Variants in ZNF423 observed in about 807,000 individuals in gnomAD.
ZNF423 encodes zinc finger protein 423.
ZNF423 carries 12 observed loss-of-function variants against 95.8 expected under a neutral mutation model. The observed-to-expected ratio is 0.13, with a 90% CI of 0.08 to 0.20. The LOEUF is 0.20. Ranked by LOEUF, ZNF423 falls within the 10% of genes least tolerant of loss-of-function variation. The pLI, the probability that ZNF423 is intolerant of heterozygous loss-of-function variation, is 1.00. For missense variants in ZNF423, 1,316 were observed against 1,737.1 expected, an observed-to-expected ratio of 0.76 and a Z score of 4.31; for synonymous variants, 749 against 711.9, an observed-to-expected ratio of 1.05 and a Z score of -0.83.
chr16:49,636,833 G>T lies in ZNF423; in HGVS notation c.2343C>A (p.His781Gln). The T allele has an allele frequency of 1.2e-6, 2 of 1,614,100 alleles. No individual in the cohort carries two copies. The highest frequency in any genetic ancestry group is 1.7e-6 in the Non-Finnish European group (2 of 1,180,044). ...ADLQVHVKHSHLGNPAKAHKC... is the reference protein window; with the variant it reads ...ADLQVHVKHSQLGNPAKAHKC... Reference sequence around the variant, plus strand: ...TGTGAGCCTTGGCCGGGTTGCCCAGGTGGCTGTGTTTGACGTGCACCTGCA... The same window carrying T: ...TGTGAGCCTTGGCCGGGTTGCCCAGTTGGCTGTGTTTGACGTGCACCTGCA... Residue 781 changes from histidine (H) to glutamine (Q), a missense_variant, in exon 4 of 8, where the codon CAC becomes CAA. By Grantham distance (24) the His-to-Gln change is conservative. Coordinates refer to ENST00000563137, the MANE Select transcript of ZNF423 (RefSeq NM_001379286.1). This position sits in a 1 kb window ranked among gnomAD's most constrained non-coding sequence, Gnocchi z 8.6.
At chr16:49,625,962 G>C (rs1972247473) in intron 5 of ZNF423, among the ~76,000 whole-genome samples, 2 of 152,200 alleles carry the variant, frequency 1.3e-5, no homozygotes, top group South Asian at 4.1e-4. Context: ...TCAAAAGTTT[G>C]ATTATAATGT....
intron 3 of ZNF423, among the ~76,000 whole-genome samples, chr16:49,672,809 C>G (rs927993063): frequency 2.0e-5 from 3 of 152,094 alleles, no homozygotes; most frequent in Non-Finnish European, 4.4e-5. Flanking sequence ...CAGAGTGAAA[C>G]TCCATCTCAA....
chr16:49,847,981 G>A (rs2035263065), intron 1 of ZNF423, among the ~76,000 whole-genome samples: 1 of 152,066 alleles, frequency 6.6e-6, no homozygotes, highest in Admixed American at 6.5e-5. Context: ...AAATTAGCCT[G>A]TAGTTCTAGC....
chr16:49,709,380 T>C (rs969001650), intron 3 of ZNF423, among the ~76,000 whole-genome samples: 1 of 151,942 alleles, frequency 6.6e-6, no homozygotes, highest in Non-Finnish European at 1.5e-5. Context: ...TTCTTCACAA[T>C]GACATCATCT....
At position 49,637,974 on chromosome 16, in the gene ZNF423, C is replaced by T; in HGVS notation, c.1202G>A (p.Gly401Glu). ...CCCGTCATCCCGCATCTTCTTCTGC[C>T]CCCGCAGCGGCTTCAAGGTGGAGTC... ...TPDSTLKPLR[G>E]QKKMRDDGQG... The change falls in exon 4 of 8, where the codon GGG becomes GAG. Residue 401 changes from glycine (G) to glutamate (E), a missense_variant. Gly to Glu is a moderately conservative substitution (Grantham distance 98, BLOSUM62 -2). Around this residue, in one of 6 missense-constraint regions of ZNF423, gnomAD observed 399 missense variants for 478.5 expected, o/e 0.83. Coordinates refer to ENST00000563137, the MANE Select transcript of ZNF423 (RefSeq NM_001379286.1). The surrounding 1 kb of genome is among the most constrained non-coding windows in gnomAD (Gnocchi z 5.6). The T allele has an allele frequency of 6.2e-7, 1 of 1,614,106 alleles. No homozygotes were observed.
chr16:49,814,391 G>A (rs1295822823), intron 1 of ZNF423, among the ~76,000 whole-genome samples: 1 of 151,694 alleles, frequency 6.6e-6, no homozygotes, highest in Non-Finnish European at 1.5e-5. Context: ...GGTGGGCTGT[G>A]CCAGGATAGA....
At chr16:49,498,536 T>C (rs1271510503) in intron 7 of ZNF423, among the ~76,000 whole-genome samples, 3 of 152,128 alleles carry the variant, frequency 2.0e-5, no homozygotes, top group African/African-American at 7.2e-5. Context: ...TGGGGAGCCA[T>C]GGAAGGTATT....
intron 5 of ZNF423, among the ~76,000 whole-genome samples, chr16:49,545,999 T>C (rs1969425741): frequency 6.6e-6 from 1 of 152,226 alleles, no homozygotes; most frequent in African/African-American, 2.4e-5. Flanking sequence ...ATAATCGCCA[T>C]TGGTAGCATA....
intron 4 of ZNF423, among the ~76,000 whole-genome samples, chr16:49,626,938 T>C (rs562160179): frequency 8.2e-6 from 1 of 122,468 alleles, no homozygotes; most frequent in Admixed American, 8.1e-5. Context: ...CACCCACCAA[T>C]AGACCCATCC....
intron 3 of ZNF423, among the ~76,000 whole-genome samples, chr16:49,643,032 G>A (rs1973035701): frequency 6.6e-6 from 1 of 151,968 alleles, no homozygotes; most frequent in Non-Finnish European, 1.5e-5. Context: ...TGTTGGCCAG[G>A]CTGGTCTCGA....
intron 3 of ZNF423, among the ~76,000 whole-genome samples, chr16:49,712,375 T>C (rs1441110552): frequency 6.6e-6 from 1 of 151,922 alleles, no homozygotes; most frequent in African/African-American, 2.4e-5. Flanking sequence ...CTCTTAGGAA[T>C]GTCCAGAGGG....
At chr16:49,690,459 C>A (rs1297873667) in intron 3 of ZNF423, among the ~76,000 whole-genome samples, 3 of 152,216 alleles carry the variant, frequency 2.0e-5, no homozygotes, top group Non-Finnish European at 4.4e-5. Flanking sequence ...GGATTTGAGG[C>A]TGCAATGAGC....
intron 5 of ZNF423, among the ~76,000 whole-genome samples, chr16:49,529,745 T>G (rs1968768811): frequency 6.6e-6 from 1 of 152,148 alleles, no homozygotes; most frequent in African/African-American, 2.4e-5. Context: ...AAGGCAGGCC[T>G]GGGCACACAT....
chr16:49,638,445 G>A lies in ZNF423; in HGVS notation c.731C>T (p.Ser244Leu), dbSNP rs368934122. ...GTGGGCCTGCATGTGGCTCTGCAGC[G>A]AGCTGGTGGAGGAGAAGCCGCGCTT... ...VCKRGFSSTS[S>L]LQSHMQAHKK... Residue 244 changes from serine to leucine, a missense_variant, in exon 4 of 8, where the codon TCG becomes TTG. By Grantham distance (145) the Ser-to-Leu change is moderately radical. Coordinates refer to ENST00000563137, the MANE Select transcript of ZNF423 (RefSeq NM_001379286.1). The surrounding 1 kb of genome is among the most constrained non-coding windows in gnomAD (Gnocchi z 5.6). 17 of 1,613,876 alleles carry A rather than the reference G, an allele frequency of 1.1e-5. No homozygotes were observed. Among genetic ancestry groups the A allele is most frequent in the Non-Finnish European group, 1.4e-5 (16 of 1,180,044 alleles).
intron 5 of ZNF423, among the ~76,000 whole-genome samples, chr16:49,564,262 C>G (rs1160407433): frequency 6.6e-6 from 1 of 152,108 alleles, no homozygotes; most frequent in Non-Finnish European, 1.5e-5. Context: ...TCAGCAAAGA[C>G]TCACCTGACC....
At chr16:49,520,035 C>T (rs1025109088) in intron 7 of ZNF423, among the ~76,000 whole-genome samples, 1 of 152,230 alleles carries the variant, frequency 6.6e-6, no homozygotes, top group African/African-American at 2.4e-5. Context: ...GAGTGTCTGA[C>T]TTCAACCTCC....
chr16:49,759,269 C>T (rs1411238069), intron 2 of ZNF423, among the ~76,000 whole-genome samples: 2 of 152,028 alleles, frequency 1.3e-5, no homozygotes, highest in African/African-American at 4.8e-5. Context: ...TGTGTTGGTG[C>T]ACACCTGTAA....
intron 1 of ZNF423, among the ~76,000 whole-genome samples, chr16:49,819,259 A>AAG: frequency 6.6e-6 from 1 of 151,246 alleles, no homozygotes; most frequent in East Asian, 2.0e-4. Context: ...CAAAAAAAAA[A>AAG]AAAAAAAAAA....
At chr16:49,657,788 CTG>C (rs1217597567) in intron 3 of ZNF423, among the ~76,000 whole-genome samples, 11 of 152,212 alleles carry the variant, frequency 7.2e-5, no homozygotes, top group Admixed American at 5.2e-4. Context: ...GCTTCAGGCT[CTG>C]TGTTCAGGGG....
Sources: gnomAD v4.1 joint callset for allele counts (sites outside exome capture counted in the v4.1 genomes callset) on GRCh38, gnomAD v4.1.1 for gene constraint, gnomAD v4.1.1 regional missense constraint, Gnocchi (gnomAD v3.1) non-coding constraint, MANE v1.5 for transcripts, NCBI Gene and HGNC (gene_info 2026-07-23, HGNC 2026-07-21) for gene names.